The following SLC12A6 variants were observed in gnomAD, a reference collection of about 807,000 sequenced individuals.
SLC12A6 encodes the protein solute carrier family 12 member 6, also known as K-Cl cotransporter 3.
In SLC12A6, 66 loss-of-function variants were observed where a neutral mutation model predicts 135.3. That is an observed-to-expected ratio of 0.49 (90% CI 0.40 to 0.60). The LOEUF (loss-of-function observed/expected upper bound fraction) is 0.60, where lower values mean the gene tolerates loss of function less well. SLC12A6 is among the 20% of genes least tolerant of loss of function. The pLI is 0.00. For synonymous variants in SLC12A6, 513 were observed against 508.8 expected (o/e 1.01, Z -0.11); for missense variants, 1,058 against 1,452.3 (o/e 0.73, Z 4.41).
chr15:34,336,707 T>A lies in SLC12A6; in HGVS notation c.-27A>T, dbSNP rs199856572. 7 of 1,610,136 alleles carry A rather than the reference T, an allele frequency of 4.3e-6. No individual in the cohort carries two copies. Among genetic ancestry groups the A allele is most frequent in the Non-Finnish European group, 5.9e-6 (7 of 1,176,484 alleles). Reference sequence around the variant, plus strand: ...TTGTTCTTTTTAAGAACAAAAAAAGTGGGGGGAACCTCGCAAAATCTTCCT... The same window carrying A: ...TTGTTCTTTTTAAGAACAAAAAAAGAGGGGGGAACCTCGCAAAATCTTCCT... On this transcript the variant is annotated 5_prime_UTR_variant, in exon 2 of 26. Transcript: ENST00000354181.
intron 2 of SLC12A6, among the ~76,000 whole-genome samples, chr15:34,323,003 AG>A (rs1461041287): frequency 5.6e-5 from 8 of 143,048 alleles, no homozygotes; most frequent in South Asian, 2.2e-4. Flanking sequence ...AAAAAAAAAA[AG>A]GAAAGAAAGA....
At chr15:34,282,498 A>G (rs1481507282) in intron 2 of SLC12A6, among the ~76,000 whole-genome samples, 1 of 152,190 alleles carries the variant, frequency 6.6e-6, no homozygotes, top group Non-Finnish European at 1.5e-5. Flanking sequence ...CAAGTCTGTA[A>G]TTCTAGCTAC....
At chr15:34,297,828 T>C (rs1354472219) in intron 2 of SLC12A6, among the ~76,000 whole-genome samples, 1 of 152,068 alleles carries the variant, frequency 6.6e-6, no homozygotes, top group Non-Finnish European at 1.5e-5. Context: ...CAACTGAAAT[T>C]CTCTATGTAG....
intron 2 of SLC12A6, among the ~76,000 whole-genome samples, chr15:34,332,165 A>C (rs1455849676): frequency 2.0e-5 from 3 of 152,210 alleles, no homozygotes; most frequent in Non-Finnish European, 4.4e-5. Context: ...CTTATACAGC[A>C]TTATAATTTA....
chr15:34,306,942 T>C (rs1034195979), intron 2 of SLC12A6, among the ~76,000 whole-genome samples: 14 of 152,186 alleles, frequency 9.2e-5, no homozygotes, highest in African/African-American at 3.4e-4. Flanking sequence ...ATTACATTTA[T>C]ATAAAATTCT....
intron 6 of SLC12A6, among the ~76,000 whole-genome samples, chr15:34,256,853 G>C (rs1416354932): frequency 2.6e-5 from 4 of 152,190 alleles, no homozygotes; most frequent in Non-Finnish European, 5.9e-5. Flanking sequence ...AAAAAGGGCT[G>C]AGTGTAAAAG....
At chr15:34,321,381 T>C (rs907183994) in intron 2 of SLC12A6, among the ~76,000 whole-genome samples, 2 of 152,080 alleles carry the variant, frequency 1.3e-5, no homozygotes, top group African/African-American at 4.8e-5. Flanking sequence ...TGGAGAGTGA[T>C]TAAAGAAGGT....
At chr15:34,316,887 G>A (rs1053208408) in intron 2 of SLC12A6, among the ~76,000 whole-genome samples, 1 of 152,160 alleles carries the variant, frequency 6.6e-6, no homozygotes, top group Admixed American at 6.5e-5. Flanking sequence ...GATGGACTTC[G>A]TTTGCAGCTT....
intron 2 of SLC12A6, among the ~76,000 whole-genome samples, chr15:34,308,357 G>C (rs932525261): frequency 6.6e-6 from 1 of 152,092 alleles, no homozygotes; most frequent in African/African-American, 2.4e-5. Flanking sequence ...GGGCACGGTG[G>C]CTCATGCCTG....
Position 34,245,335 on chromosome 15 carries a change from C to G in SLC12A6, c.1893G>C (p.Glu631Asp). 6.2e-7 allele frequency: 1 copy of G among 1,613,636 alleles called. No individual in the cohort carries two copies. The highest frequency in any genetic ancestry group is 2.2e-5 in the East Asian group (1 of 44,890). ...WALLLTAAIA[E>D]LGILIASLDL... ...CCAGGGAGGCAATGAGTATTCCAAG[C>G]TCTGCAATGGCAGCAGTTAGAAGTA... Residue 631 changes from glutamate to aspartate, a missense_variant, in exon 15 of 26, where the codon GAG becomes GAC. Physicochemically the swap from Glu to Asp is conservative, Grantham distance 45 (BLOSUM62 2). Coordinates refer to ENST00000354181, the MANE Select transcript of SLC12A6 (RefSeq NM_001365088.1).
intron 3 of SLC12A6, among the ~76,000 whole-genome samples, chr15:34,262,927 G>A (rs1893251955): frequency 6.6e-6 from 1 of 152,218 alleles, no homozygotes; most frequent in Non-Finnish European, 1.5e-5. Flanking sequence ...ATCTCTTCTG[G>A]TGAGCTCGGG....
chr15:34,308,499 T>C (rs1887895653), intron 2 of SLC12A6, among the ~76,000 whole-genome samples: 1 of 151,840 alleles, frequency 6.6e-6, no homozygotes, highest in Non-Finnish European at 1.5e-5. Context: ...GTGGTGCATG[T>C]CTGTAATCCC....
intron 3 of SLC12A6, among the ~76,000 whole-genome samples, chr15:34,261,358 G>A (rs553128778): frequency 7.2e-5 from 11 of 152,098 alleles, no homozygotes; most frequent in East Asian, 3.9e-4. Context: ...GTGCAGTGGC[G>A]CAATCTCAGC....
At chr15:34,240,853 G>A (rs1364510627) in intron 18 of SLC12A6, 24 bp from the exon 19 acceptor site, 1 of 1,594,488 alleles carries the variant, frequency 6.3e-7, no homozygotes, top group South Asian at 1.1e-5. Flanking sequence ...GGTGGGGGTT[G>A]GAGGGGAGGA....
At chr15:34,257,617 C>T (rs1250320568) in intron 6 of SLC12A6, 25 bp downstream of exon 6, 12 of 1,606,736 alleles carry the variant, frequency 7.5e-6, no homozygotes, top group Non-Finnish European at 9.4e-6. Flanking sequence ...TTCAGGTGAT[C>T]TCTAGGAGCC....
rs950573202 is a variant in SLC12A6, at chr15:34,311,074, G to C, written c.271+25336C>G. ...CCATTTGTATTACTTGTGAGTTACT[G>C]TTTGGAGATGCTCTTCAATACCAGT... is the stretch of plus-strand genomic sequence containing the variant. On this transcript the variant is annotated intron_variant, in intron 2 of 25. Coordinates refer to ENST00000354181, the MANE Select transcript of SLC12A6 (RefSeq NM_001365088.1). Among the ~76,000 whole-genome samples, 3 of 152,216 alleles carry C rather than the reference G, an allele frequency of 2.0e-5. No individual in the cohort carries two copies. In the East Asian group the frequency reaches 5.8e-4, roughly 29 times the overall value.
chr15:34,318,997 CAG>C (rs1418697366), intron 2 of SLC12A6, among the ~76,000 whole-genome samples: 1 of 152,160 alleles, frequency 6.6e-6, no homozygotes, highest in Non-Finnish European at 1.5e-5. Context: ...GGAGACTGGA[CAG>C]AATTCACAGT....
intron 2 of SLC12A6, among the ~76,000 whole-genome samples, chr15:34,310,477 T>A (rs1380540795): frequency 4.7e-4 from 21 of 44,252 alleles, no homozygotes; most frequent in East Asian, 1.9e-3. Context: ...TGGGCTCAAG[T>A]GTGTGTGTGT....
chr15:34,229,847 A>T lies in SLC12A6; in HGVS notation c.*4034T>A, dbSNP rs1158600499. On this transcript the variant is annotated 3_prime_UTR_variant, in exon 26 of 26. Coordinates refer to ENST00000354181, the MANE Select transcript of SLC12A6 (RefSeq NM_001365088.1). ...TGGGTCTTATTTACATCCTTCTTTAAGCCCAGTGGCTCCTCAGCATACTCT... is the reference window on the plus strand; with the variant it reads ...TGGGTCTTATTTACATCCTTCTTTATGCCCAGTGGCTCCTCAGCATACTCT... 1.9e-6 allele frequency: 3 copies of T among 1,550,588 alleles called. No homozygotes were observed. The Admixed American group carries it at 5.0e-5, about 26-fold the overall frequency.
Sources: gnomAD v4.1 joint callset for allele counts (sites outside exome capture counted in the v4.1 genomes callset) on GRCh38, gnomAD v4.1.1 for gene constraint, MANE v1.5 for transcripts, NCBI Gene and HGNC (gene_info 2026-07-23, HGNC 2026-07-21) for gene names.